The following ATP11C variants were observed in gnomAD, a reference collection of about 807,000 sequenced individuals.
The protein encoded by ATP11C is phospholipid-transporting ATPase IG.
ATP11C carries 36 observed loss-of-function variants against 97.4 expected under a neutral mutation model. The observed-to-expected ratio is 0.37, with a 90% CI of 0.28 to 0.49. The LOEUF (loss-of-function observed/expected upper bound fraction) is 0.49. Ranked by LOEUF, ATP11C falls within the 20% of genes least tolerant of loss-of-function variation. ATP11C has a pLI of 0.98. For synonymous variants in ATP11C, 275 were observed against 290.9 expected, an observed-to-expected ratio of 0.95 and a Z score of 0.56; for missense variants, 730 against 824.6, an observed-to-expected ratio of 0.89 and a Z score of 1.40.
intron 1 of ATP11C, among the ~76,000 whole-genome samples, chrX:139,843,393 C>A (rs753307778): frequency 8.9e-6 from 1 of 111,885 alleles, no homozygotes; most frequent in Non-Finnish European, 1.9e-5. Flanking sequence ...CATTTAGAGT[C>A]ATTTGAGATC....
At chrX:139,826,198 A>G (rs1248356861) in intron 2 of ATP11C, among the ~76,000 whole-genome samples, 1 of 111,117 alleles carries the variant, frequency 9.0e-6, no homozygotes, top group Admixed American at 9.6e-5. Flanking sequence ...CAGTGTACTG[A>G]GCAGCATGCA....
At chrX:139,792,144 C>T (rs1979227789) in intron 12 of ATP11C, among the ~76,000 whole-genome samples, 1 of 110,257 alleles carries the variant, frequency 9.1e-6, no homozygotes, top group South Asian at 4.0e-4. Context: ...AAGCTTAACA[C>T]CAGTGGCCAA....
At chrX:139,815,870 G>A (rs1454665108) in intron 4 of ATP11C, among the ~76,000 whole-genome samples, 2 of 110,769 alleles carry the variant, frequency 1.8e-5, no homozygotes, top group African/African-American at 3.3e-5. Context: ...ACTTTATAGA[G>A]TACATTTTGT....
rs1418287467 is a variant in ATP11C, at chrX:139,835,970, T to C, written c.28-9147A>G. On this transcript the variant is annotated intron_variant, in intron 1 of 29. Coordinates refer to ENST00000682941, the MANE Select transcript of ATP11C (RefSeq NM_001353812.2). ...TGAACCCGGGAGGCGGAGGTTGCAG[T>C]GAGCTGAGATCGCATCACTGCATTC... Among the ~76,000 whole-genome samples the C allele has an allele frequency of 7.0e-5, 6 of 85,385 alleles. No individual in the cohort carries two copies. The Admixed American group carries it at 1.0e-3, about 15-fold the overall frequency. 74.1% of individuals were successfully genotyped at this position (85,385 alleles called of 115,157 possible).
Position 139,892,301 on chromosome X carries a change from G to A in ATP11C, c.27+39715C>T, listed in dbSNP as rs750896930. ...GTGGACCCAGAAGCAAGGCCTAGAA[G>A]GAAATCCAAGTGACAAGAGCACATT... On this transcript the variant is annotated intron_variant, in intron 1 of 29. Coordinates refer to ENST00000682941, the MANE Select transcript of ATP11C (RefSeq NM_001353812.2). Among the ~76,000 whole-genome samples, 6 of 111,798 alleles carry A rather than the reference G, an allele frequency of 5.4e-5. No homozygotes were observed. In the East Asian group the frequency reaches 1.1e-3, roughly 21 times the overall value.
At chrX:139,785,364 A>C in intron 15 of ATP11C, 65 bp from the exon 16 acceptor site, 2 of 780,992 alleles carry the variant, frequency 2.6e-6, no homozygotes, top group East Asian at 6.4e-5. Flanking sequence ...CACAACAGAA[A>C]TATGTTAAGA....
chrX:139,736,082 C>CT (rs1163465511), intron 28 of ATP11C, among the ~76,000 whole-genome samples: 1 of 111,750 alleles, frequency 8.9e-6, no homozygotes, highest in Admixed American at 9.5e-5. Flanking sequence ...AAATTTCATG[C>CT]TAAACCCCTG....
At chrX:139,842,637 A>G (rs942070959) in intron 1 of ATP11C, among the ~76,000 whole-genome samples, 3 of 112,549 alleles carry the variant, frequency 2.7e-5, no homozygotes, top group Admixed American at 9.4e-5. Context: ...GAAGAAAGGA[A>G]TAAGAGTTGC....
At chrX:139,822,499 C>T (rs2083434294) in intron 2 of ATP11C, among the ~76,000 whole-genome samples, 1 of 111,204 alleles carries the variant, frequency 9.0e-6, no homozygotes, top group Non-Finnish European at 1.9e-5. Flanking sequence ...CTGCAACCTC[C>T]GCCTCCCAGG....
chrX:139,763,926 T>A (rs1340546461), intron 20 of ATP11C, among the ~76,000 whole-genome samples: 2 of 111,902 alleles, frequency 1.8e-5, no homozygotes, highest in African/African-American at 3.3e-5. Flanking sequence ...TATCAAAAAC[T>A]TTGCCTCTCA....
intron 25 of ATP11C, among the ~76,000 whole-genome samples, chrX:139,745,205 C>T (rs890268872): frequency 9.0e-6 from 1 of 111,317 alleles, no homozygotes; most frequent in African/African-American, 3.3e-5. Context: ...ATGAGATAGT[C>T]ATGTTCTGGG....
intron 29 of ATP11C, 91 bp downstream of exon 29, chrX:139,731,560 A>G (rs2081340920): frequency 1.1e-5 from 5 of 468,808 alleles, no homozygotes; most frequent in Non-Finnish European, 1.7e-5. Flanking sequence ...CCAACAGCAG[A>G]GAAAATTTAG....
intron 5 of ATP11C, among the ~76,000 whole-genome samples, chrX:139,812,474 G>A (rs1230175087): frequency 1.4e-4 from 15 of 110,375 alleles, no homozygotes; most frequent in African/African-American, 4.9e-4. Flanking sequence ...GCAATTTTAC[G>A]TAGTGTACTG....
intron 2 of ATP11C, 91 bp downstream of exon 2, chrX:139,826,613 C>T: frequency 1.3e-5 from 10 of 774,251 alleles, no homozygotes; most frequent in Non-Finnish European, 1.7e-5. Flanking sequence ...TGTACACATA[C>T]ATAAATGCAT....
At chrX:139,896,364 C>T (rs1394912410) in intron 1 of ATP11C, among the ~76,000 whole-genome samples, 2 of 110,541 alleles carry the variant, frequency 1.8e-5, no homozygotes, top group Admixed American at 2.0e-4. Context: ...GACCAGTATT[C>T]CTCTAAACTG....
chrX:139,896,619 GTCTCTCTCTCTCTCTCTC>G (rs202000678), intron 1 of ATP11C, among the ~76,000 whole-genome samples: 4 of 90,885 alleles, frequency 4.4e-5, no homozygotes, highest in African/African-American at 1.7e-4. Context: ...TTGAGAAAGA[GTCTCTCTCTCTCTCTCTC>G]TCTCTCTCTC....
chrX:139,871,958 A>G (rs1263114236), intron 1 of ATP11C, among the ~76,000 whole-genome samples: 2 of 111,665 alleles, frequency 1.8e-5, no homozygotes, highest in Non-Finnish European at 3.8e-5. Context: ...AATCAAAGAG[A>G]CAGATGACCC....
chrX:139,758,344 T>G (rs2081976249), intron 22 of ATP11C, among the ~76,000 whole-genome samples: 1 of 111,910 alleles, frequency 8.9e-6, no homozygotes, highest in African/African-American at 3.2e-5. Flanking sequence ...ACAATCAACA[T>G]ATCATTACTG....
rs2082627244 is a variant in ATP11C, at chrX:139,788,662, G to T, written c.1369-319C>A. Reference sequence around the variant, plus strand: ...GTATCTAATTCACAATCTAGCAATAGCTCAAGTGTAGGGAGACTCTGGTTA... The same window carrying T: ...GTATCTAATTCACAATCTAGCAATATCTCAAGTGTAGGGAGACTCTGGTTA... On this transcript the variant is annotated intron_variant, in intron 13 of 29. Coordinates refer to ENST00000682941, the MANE Select transcript of ATP11C (RefSeq NM_001353812.2). Among the ~76,000 whole-genome samples, 3 of 111,733 alleles carry T rather than the reference G, an allele frequency of 2.7e-5. No homozygotes were observed. In the Admixed American group the frequency reaches 2.9e-4, roughly 11 times the overall value.
Sources: gnomAD v4.1 joint callset for allele counts (sites outside exome capture counted in the v4.1 genomes callset) on GRCh38, gnomAD v4.1.1 for gene constraint, MANE v1.5 for transcripts, NCBI Gene and HGNC (gene_info 2026-07-23, HGNC 2026-07-21) for gene names.